Variants in SRD5A2 observed in about 807,000 individuals in gnomAD.
The protein encoded by SRD5A2 is steroid 5 alpha-reductase 2, also known as 3-oxo-5-alpha-steroid 4-dehydrogenase 2.
Under a neutral mutation model 27.4 loss-of-function variants are expected in SRD5A2, and 30 were observed. That is an observed-to-expected ratio of 1.10 (90% CI 0.82 to 1.49). The LOEUF (loss-of-function observed/expected upper bound fraction) is 1.49, where lower values mean the gene tolerates loss of function less well. SRD5A2 is among the 40% of genes most tolerant of loss of function. The pLI, the probability that SRD5A2 is intolerant of heterozygous loss-of-function variation, is 0.00. For missense variants in SRD5A2, 348 were observed against 323.4 expected (o/e 1.08, Z -0.58); for synonymous variants, 141 against 133.6 (o/e 1.06, Z -0.38).
the SRD5A2 span, among the ~76,000 whole-genome samples, chr2:31,606,358 T>C: frequency 1.3e-5 from 2 of 152,048 alleles, no homozygotes; most frequent in Non-Finnish European, 2.9e-5. Context: ...TTTGCCATGA[T>C]ATGATTATTA....
intron 1 of SRD5A2, among the ~76,000 whole-genome samples, chr2:31,546,849 C>T (rs1298515844): frequency 6.6e-6 from 1 of 152,118 alleles, no homozygotes; most frequent in Non-Finnish European, 1.5e-5. Flanking sequence ...GTAATCCCAG[C>T]ACTTTGGGAG....
chr2:31,553,528 G>T (rs535649403), intron 1 of SRD5A2, among the ~76,000 whole-genome samples: 1 of 152,288 alleles, frequency 6.6e-6, no homozygotes, highest in South Asian at 2.1e-4. Context: ...AAGGCAGCAA[G>T]AGAAATGTGA....
At chr2:31,657,175 C>A in the SRD5A2 span, among the ~76,000 whole-genome samples, 1 of 152,112 alleles carries the variant, frequency 6.6e-6, no homozygotes, top group Non-Finnish European at 1.5e-5. Flanking sequence ...TAATAACAAC[C>A]TGTCAATATT....
chr2:31,617,415 A>C, the SRD5A2 span, among the ~76,000 whole-genome samples: 12 of 152,162 alleles, frequency 7.9e-5, no homozygotes, highest in Non-Finnish European at 1.8e-4. Context: ...AAAGTCTCTG[A>C]CATGCCCTGG....
chr2:31,622,784 C>G, the SRD5A2 span, among the ~76,000 whole-genome samples: 7 of 152,102 alleles, frequency 4.6e-5, no homozygotes. Flanking sequence ...CACTTCTTCT[C>G]AGTCCAACCA....
chr2:31,552,883 A>G (rs900198499), intron 1 of SRD5A2, among the ~76,000 whole-genome samples: 2 of 152,206 alleles, frequency 1.3e-5, no homozygotes, highest in Non-Finnish European at 2.9e-5. Context: ...TCTGGGAAAC[A>G]TGACACAATC....
At chr2:31,627,752 T>C in the SRD5A2 span, among the ~76,000 whole-genome samples, 2 of 152,202 alleles carry the variant, frequency 1.3e-5, no homozygotes, top group African/African-American at 2.4e-5. Flanking sequence ...AAGCATGTTG[T>C]TTGATTCCCA....
the SRD5A2 span, among the ~76,000 whole-genome samples, chr2:31,608,804 C>G: frequency 6.6e-6 from 1 of 152,068 alleles, no homozygotes; most frequent in South Asian, 2.1e-4. Context: ...CCCATGTCCA[C>G]GGTTTGGAAG....
chr2:31,625,175 T>A, the SRD5A2 span, among the ~76,000 whole-genome samples: 1 of 152,246 alleles, frequency 6.6e-6, no homozygotes, highest in African/African-American at 2.4e-5. Flanking sequence ...GAAGTGTCTG[T>A]TCATATCCTT....
chr2:31,630,927 C>A, the SRD5A2 span, among the ~76,000 whole-genome samples: 1 of 152,114 alleles, frequency 6.6e-6, no homozygotes, highest in African/African-American at 2.4e-5. Context: ...GTAAAAAACA[C>A]AATGGGTGTT....
chr2:31,604,414 T>G, the SRD5A2 span, among the ~76,000 whole-genome samples: 1 of 151,874 alleles, frequency 6.6e-6, no homozygotes, highest in African/African-American at 2.4e-5. Context: ...CAAAAATTAT[T>G]AGATACAAAA....
At chr2:31,634,551 A>G in the SRD5A2 span, among the ~76,000 whole-genome samples, 2 of 152,228 alleles carry the variant, frequency 1.3e-5, no homozygotes, top group African/African-American at 4.8e-5. Context: ...TACTCAGAAT[A>G]ATATTTATTT....
chr2:31,531,573 T>TCCAAAAAATGAAGGGAAGGGCA, intron 2 of SRD5A2, 101 bp from the exon 3 acceptor site: 6 of 776,274 alleles, frequency 7.7e-6, no homozygotes, highest in Non-Finnish European at 1.3e-5. Context: ...GGCATTTAAT[T>TCCAAAAAATGAAGGGAAGGGCA]TCTAAATCTA....
chr2:31,636,771 T>C, the SRD5A2 span, among the ~76,000 whole-genome samples: 81 of 152,238 alleles, frequency 5.3e-4, no homozygotes, highest in African/African-American at 1.6e-3. Flanking sequence ...TGAAGTATTA[T>C]ATTTACTGAT....
chr2:31,628,428 G>T, the SRD5A2 span, among the ~76,000 whole-genome samples: 2 of 152,152 alleles, frequency 1.3e-5, no homozygotes, highest in Admixed American at 6.5e-5. Flanking sequence ...TATCCAACTT[G>T]CCAACTCTGT....
chr2:31,630,890 G>A, the SRD5A2 span, among the ~76,000 whole-genome samples: 1 of 152,110 alleles, frequency 6.6e-6, no homozygotes, highest in African/African-American at 2.4e-5. Flanking sequence ...AGAACAGAAG[G>A]GTAGATGGCT....
In SRD5A2 at chr2:31,538,296, G is replaced by A. The variant is rs186532794; in HGVS notation, c.282-4530C>T. Among the ~76,000 whole-genome samples, 35 of 152,120 alleles carry A rather than the reference G, an allele frequency of 2.3e-4. No individual in the cohort carries two copies. In the East Asian group the frequency reaches 3.7e-3, roughly 16 times the overall value. On this transcript the variant is annotated intron_variant, in intron 1 of 4. Transcript: ENST00000622030. ...CCAATTGCTTAAGCCAAAGATCTTAGACCATCTTTGATCTCTCTCTCTCTC... is the reference window on the plus strand; with the variant it reads ...CCAATTGCTTAAGCCAAAGATCTTAAACCATCTTTGATCTCTCTCTCTCTC...
At chr2:31,657,105 A>C in the SRD5A2 span, among the ~76,000 whole-genome samples, 1 of 152,226 alleles carries the variant, frequency 6.6e-6, no homozygotes, top group African/African-American at 2.4e-5. Context: ...TAGGATCCTG[A>C]AACACAACAC....
the SRD5A2 span, among the ~76,000 whole-genome samples, chr2:31,606,233 C>T: frequency 6.6e-6 from 1 of 151,820 alleles, no homozygotes; most frequent in African/African-American, 2.4e-5. Context: ...ATTGATAGCA[C>T]AACAGGATGG....
Sources: gnomAD v4.1 joint callset for allele counts (sites outside exome capture counted in the v4.1 genomes callset) on GRCh38, gnomAD v4.1.1 for gene constraint, MANE v1.5 for transcripts, NCBI Gene and HGNC (gene_info 2026-07-23, HGNC 2026-07-21) for gene names.